POLK: variants seen among roughly 807,000 people sequenced by gnomAD.
The protein encoded by POLK is polymerase (DNA directed) kappa.
A neutral mutation model predicts 94.0 loss-of-function variants in POLK; 76 were observed. That is an observed-to-expected ratio of 0.81 (90% CI 0.67 to 0.98). The LOEUF is 0.98. Ranked by LOEUF, POLK falls within the 50% of genes least tolerant of loss-of-function variation. The probability of loss-of-function intolerance (pLI) is 0.00; values close to 1 mark genes in which losing one functional copy is unlikely to be tolerated. For synonymous variants in POLK, 349 were observed against 325.4 expected (o/e 1.07, Z -0.78); for missense variants, 954 against 1,010.1 (o/e 0.94, Z 0.75).
At chr5:75,560,069 A>C (rs1033088430) in intron 3 of POLK, among the ~76,000 whole-genome samples, 2 of 152,248 alleles carry the variant, frequency 1.3e-5, no homozygotes, top group Non-Finnish European at 2.9e-5. Context: ...AAGCATCATA[A>C]CATAATCAAA....
exon 13 of POLK, chr5:75,596,467 A>C (rs1438034503): frequency 6.2e-7 from 1 of 1,614,004 alleles, no homozygotes; most frequent in Non-Finnish European, 8.5e-7. Flanking sequence ...GAATAAACAA[A>C]GTTTCCAGAC....
upstream of POLK, chr5:75,511,692 G>T: frequency 1.3e-6 from 2 of 1,486,992 alleles, no homozygotes; most frequent in South Asian, 1.3e-5. Context: ...ACTACTCCCC[G>T]CCCCGTCCCC....
chr5:75,605,045 G>T (rs1056214101), downstream of POLK, among the ~76,000 whole-genome samples: 4 of 151,178 alleles, frequency 2.6e-5, no homozygotes, highest in Admixed American at 6.6e-5. Context: ...TAATTCAGAG[G>T]CAAATGGTAC....
chr5:75,561,076 G>C (rs1351193356), intron 3 of POLK, among the ~76,000 whole-genome samples: 1 of 152,116 alleles, frequency 6.6e-6, no homozygotes, highest in Non-Finnish European at 1.5e-5. Flanking sequence ...CTAGATCCTT[G>C]AGGAATCGCC....
chr5:75,560,829 C>T (rs2112709529), intron 3 of POLK, among the ~76,000 whole-genome samples: 1 of 152,240 alleles, frequency 6.6e-6, no homozygotes, highest in South Asian at 2.1e-4. Context: ...TCATCCATGT[C>T]CCTGCAAAGG....
At chr5:75,566,566 T>C (rs536482306) in intron 3 of POLK, among the ~76,000 whole-genome samples, 174 of 152,306 alleles carry the variant, frequency 1.1e-3, no homozygotes, top group Middle Eastern at 3.4e-3. Flanking sequence ...CTAGGCTGGA[T>C]AGCACCATCC....
chr5:75,564,491 T>C (rs1771158649), intron 3 of POLK, among the ~76,000 whole-genome samples: 2 of 152,200 alleles, frequency 1.3e-5, no homozygotes, highest in African/African-American at 4.8e-5. Context: ...GTGTCAGTGG[T>C]CTTTACATTT....
intron 1 of POLK, among the ~76,000 whole-genome samples, chr5:75,515,314 G>A (rs1198865530): frequency 6.6e-6 from 1 of 152,124 alleles, no homozygotes; most frequent in Non-Finnish European, 1.5e-5. Flanking sequence ...AACTTTATTA[G>A]AAATTATAAT....
chr5:75,572,633 T>A (rs2112777585), intron 4 of POLK, among the ~76,000 whole-genome samples: 1 of 152,280 alleles, frequency 6.6e-6, no homozygotes, highest in East Asian at 1.9e-4. Flanking sequence ...GTTTAGTTGG[T>A]AGAAATATAA....
chr5:75,560,874 C>T (rs1269915137), intron 3 of POLK, among the ~76,000 whole-genome samples: 1 of 152,152 alleles, frequency 6.6e-6, no homozygotes, highest in Non-Finnish European at 1.5e-5. Context: ...CGTAGTATTC[C>T]ATGATGTATA....
chr5:75,525,193 A>T (rs773937026), intron 1 of POLK, among the ~76,000 whole-genome samples: 1 of 152,232 alleles, frequency 6.6e-6, no homozygotes, highest in Non-Finnish European at 1.5e-5. Context: ...ACAGATGGTA[A>T]CCCCAAGATG....
At chr5:75,539,636 T>C (rs1041511021) in intron 1 of POLK, among the ~76,000 whole-genome samples, 3 of 152,148 alleles carry the variant, frequency 2.0e-5, no homozygotes, top group Admixed American at 6.5e-5. Flanking sequence ...TAATTTTTTT[T>C]TTATAGAGAC....
intron 1 of POLK, among the ~76,000 whole-genome samples, chr5:75,514,520 A>G (rs181610268): frequency 1.3e-5 from 2 of 152,340 alleles, no homozygotes; most frequent in Admixed American, 6.5e-5. Context: ...TTTTAGGTTC[A>G]TTTGATTTAT....
intron 4 of POLK, among the ~76,000 whole-genome samples, chr5:75,573,224 G>A (rs2112780837): frequency 6.6e-6 from 1 of 152,222 alleles, no homozygotes; most frequent in Non-Finnish European, 1.5e-5. Flanking sequence ...GGACATGGAT[G>A]AAGCTGGAAA....
chr5:75,586,311 T>G (rs1332882124), intron 9 of POLK, among the ~76,000 whole-genome samples: 1 of 152,196 alleles, frequency 6.6e-6, no homozygotes, highest in African/African-American at 2.4e-5. Context: ...TATTTACTAC[T>G]ATATTTGTTA....
downstream of POLK, among the ~76,000 whole-genome samples, chr5:75,605,938 A>AGGGGAACC (rs2112929990): frequency 6.8e-6 from 1 of 146,370 alleles, no homozygotes; most frequent in East Asian, 2.1e-4. Flanking sequence ...GAAAGAAATA[A>AGGGGAACC]GGGGAACCGG....
chr5:75,540,036 G>GC (rs1217986942), intron 1 of POLK, among the ~76,000 whole-genome samples: 2 of 152,160 alleles, frequency 1.3e-5, no homozygotes, highest in East Asian at 3.8e-4. Flanking sequence ...AAAGTCAGGA[G>GC]CAGTGGATCA....
chr5:75,537,925 C>T (rs950598343), intron 1 of POLK, among the ~76,000 whole-genome samples: 4 of 151,810 alleles, frequency 2.6e-5, no homozygotes, highest in African/African-American at 7.3e-5. Flanking sequence ...GGCGCAATCT[C>T]GGCTCACTGC....
At chr5:75,568,786 A>G in intron 3 of POLK, 1 of 267,034 alleles carries the variant, frequency 3.7e-6, no homozygotes, top group South Asian at 3.4e-5. Context: ...TCATATGCCA[A>G]AGAGGTACTA....
Sources: gnomAD v4.1 joint callset for allele counts (sites outside exome capture counted in the v4.1 genomes callset) on GRCh38, gnomAD v4.1.1 for gene constraint, MANE v1.5 for transcripts, NCBI Gene and HGNC (gene_info 2026-07-23, HGNC 2026-07-21) for gene names.